The following IFNLR1 variants were observed in gnomAD, a reference collection of about 807,000 sequenced individuals.
IFNLR1 encodes the protein interferon lambda receptor 1.
Under a neutral mutation model 52.5 loss-of-function variants are expected in IFNLR1, and 28 were observed. That is an observed-to-expected ratio of 0.53 (90% CI 0.40 to 0.73). The LOEUF (loss-of-function observed/expected upper bound fraction) is 0.73. Among genes scored for constraint, IFNLR1 ranks in the 30% least tolerant of loss-of-function variants. IFNLR1 has a pLI of 0.00. For missense variants in IFNLR1, 623 were observed against 659.1 expected (o/e 0.95, Z 0.60); for synonymous variants, 276 against 274.9 (o/e 1.00, Z -0.04).
At chr1:24,163,869 A>G (rs1644492565) in intron 3 of IFNLR1, among the ~76,000 whole-genome samples, 1 of 151,996 alleles carries the variant, frequency 6.6e-6, no homozygotes, top group South Asian at 2.1e-4. Flanking sequence ...GTGGGCTGGG[A>G]TTACCCAACC....
intron 2 of IFNLR1, 38 bp from the exon 3 acceptor site, chr1:24,169,639 A>G (rs369155510): frequency 2.5e-6 from 4 of 1,585,930 alleles, no homozygotes; most frequent in Non-Finnish European, 3.4e-6. Context: ...CCATGGACTC[A>G]GCCTCTCCGG....
At chr1:24,162,713 TTCTTTCTTTCTTTTCTTTCTTTCTTTC>T (rs1162663481) in intron 3 of IFNLR1, among the ~76,000 whole-genome samples, 3 of 39,934 alleles carry the variant, frequency 7.5e-5, no homozygotes, top group Admixed American at 2.6e-4. Flanking sequence ...TTTCTTTTCT[TTCTTTCTTTCTTTTCTTTCTTTCTTTC>T]TTTCTTTCTT....
At chr1:24,159,003 T>A in intron 6 of IFNLR1, 49 bp downstream of exon 6, 2 of 1,593,550 alleles carry the variant, frequency 1.3e-6, no homozygotes, top group Non-Finnish European at 1.7e-6. Flanking sequence ...CCCCACTCCC[T>A]TACTCTCAAC....
At chr1:24,172,775 A>G (rs955248841) in intron 2 of IFNLR1, among the ~76,000 whole-genome samples, 1 of 152,184 alleles carries the variant, frequency 6.6e-6, no homozygotes, top group African/African-American at 2.4e-5. Context: ...TGGCTTCAGC[A>G]ACAGAAATCT....
chr1:24,157,409 A>G lies in IFNLR1; in HGVS notation c.1284T>C (p.Pro428=). ...GDGHQESLPP[P]EFSKDSGFLE... ...GGAAACCCGAGTCCTTGGAGAATTC[A>G]GGTGGTGGGAGAGATTCTTGGTGCC... is the stretch of plus-strand genomic sequence containing the variant. The change falls in exon 7 of 7, where the codon CCT becomes CCC. Residue 428 remains proline, a synonymous_variant. Transcript: ENST00000327535. The surrounding 1 kb of genome is among the most constrained non-coding windows in gnomAD (Gnocchi z 5.1). 1 of 1,614,174 alleles carries G rather than the reference A, an allele frequency of 6.2e-7. No homozygotes were observed. The highest frequency in any genetic ancestry group is 8.5e-7 in the Non-Finnish European group (1 of 1,180,020).
intron 3 of IFNLR1, among the ~76,000 whole-genome samples, chr1:24,162,754 TTC>T (rs1557643810): frequency 0.079 from 2,553 of 32,196 alleles, 159 homozygotes; most frequent in Non-Finnish European, 0.097. Flanking sequence ...CTTTCTTTCT[TTC>T]TTTCTTTCTT....
chr1:24,178,744 C>T (rs72650418), intron 2 of IFNLR1, among the ~76,000 whole-genome samples: 14,789 of 152,074 alleles, frequency 0.097, 1,993 homozygotes, highest in African/African-American at 0.3. Flanking sequence ...AATTCATTAT[C>T]TTGAAAATTG....
rs753765346 is a variant in IFNLR1, at chr1:24,157,151, C to T, written c.1542G>A (p.Leu514=). ...TQRTEDRGRT[L]GHYMAR Reference sequence around the variant, plus strand: ...CAGCTCACCTGGCCATGTAATGCCCCAATGTCCGGCCCCTGTCCTCGGTCC... The same window carrying T: ...CAGCTCACCTGGCCATGTAATGCCCTAATGTCCGGCCCCTGTCCTCGGTCC... The change falls in exon 7 of 7, where the codon TTG becomes TTA. Residue 514 remains leucine, a synonymous_variant. Coordinates refer to ENST00000327535, the MANE Select transcript of IFNLR1 (RefSeq NM_170743.4). The surrounding 1 kb of genome is among the most constrained non-coding windows in gnomAD (Gnocchi z 5.1). 1.1e-5 allele frequency: 17 copies of T among 1,612,032 alleles called. No individual in the cohort carries two copies. The highest frequency in any genetic ancestry group is 1.4e-5 in the Non-Finnish European group (16 of 1,179,298).
At chr1:24,160,087 C>T (rs966355746) in intron 4 of IFNLR1, among the ~76,000 whole-genome samples, 14 of 152,200 alleles carry the variant, frequency 9.2e-5, no homozygotes, top group African/African-American at 2.9e-4. Flanking sequence ...TCAGCTGAGT[C>T]TAGAGGTAGG....
At chr1:24,159,727 T>TTTTTTTTTTTTTGTTTG (rs1557641965) in intron 4 of IFNLR1, 94 bp from the exon 5 acceptor site, 6 of 96,638 alleles carry the variant, frequency 6.2e-5, no homozygotes, top group Non-Finnish European at 9.7e-5. Context: ...TGGTAGGGTG[T>TTTTTTTTTTTTTGTTTG]TTTTTTTTTG....
At chr1:24,175,949 A>AG (rs922821763) in intron 2 of IFNLR1, among the ~76,000 whole-genome samples, 2 of 150,856 alleles carry the variant, frequency 1.3e-5, no homozygotes, top group Admixed American at 6.6e-5. Flanking sequence ...AAAAAAAAAA[A>AG]AGAGAGTTTT....
intron 3 of IFNLR1, 43 bp from the exon 4 acceptor site, chr1:24,161,727 G>T (rs531034184): frequency 2.8e-6 from 4 of 1,447,762 alleles, no homozygotes; most frequent in Non-Finnish European, 3.6e-6. Context: ...CCGAGGGGCC[G>T]CACTGCCTCC....
Position 24,161,659 on chromosome 1 carries a change from C to A in IFNLR1, c.393G>T (p.Val131=), listed in dbSNP as rs1184930237. The change falls in exon 4 of 7, where the codon GTG becomes GTT. Residue 131 remains valine, a synonymous_variant. Transcript: ENST00000327535. ...FEVEPAPPVL[V]LTQTEEILSA... ...TCAGGATCTCCTCCGTCTGGGTGAG[C>A]ACCAGGACAGGTGGGGCCGGCTCCA... is the stretch of plus-strand genomic sequence containing the variant. The A allele has an allele frequency of 1.3e-6, 2 of 1,527,262 alleles. No individual in the cohort carries two copies. Among genetic ancestry groups the A allele is most frequent in the Non-Finnish European group, 1.8e-6 (2 of 1,133,164 alleles). The allele number at this position is 1,527,262 out of a possible 1,614,324, so 94.6% of individuals were successfully genotyped here.
chr1:24,169,345 C>CCACTGAG (rs1434885567), intron 3 of IFNLR1, 72 bp downstream of exon 3: 4 of 1,401,780 alleles, frequency 2.9e-6, no homozygotes, highest in East Asian at 4.6e-5. Flanking sequence ...GAGAACAGAA[C>CCACTGAG]CACTGAGCAC....
intron 2 of IFNLR1, 114 bp from the exon 3 acceptor site, chr1:24,169,715 TC>T: frequency 8.9e-7 from 1 of 1,123,788 alleles, no homozygotes; most frequent in South Asian, 1.5e-5. Flanking sequence ...TTTAGGTCCA[TC>T]CGTCCAGACA....
intron 2 of IFNLR1, among the ~76,000 whole-genome samples, chr1:24,173,840 G>A (rs1644605895): frequency 6.6e-6 from 1 of 151,994 alleles, no homozygotes; most frequent in African/African-American, 2.4e-5. Context: ...TGTAAAGATG[G>A]GGTCTCACTA....
At position 24,157,462 on chromosome 1, in the gene IFNLR1, C is replaced by G; in HGVS notation, c.1231G>C (p.Gly411Arg). The G allele has an allele frequency of 6.2e-7, 1 of 1,613,978 alleles. No individual in the cohort carries two copies. Among genetic ancestry groups the G allele is most frequent in the Non-Finnish European group, 8.5e-7 (1 of 1,179,904 alleles). ...TCCCCACCCGGCCCTTGGCCTGGCCCCTTCTCAGCCAAATAGCCAGAGGAC... is the reference window on the plus strand; with the variant it reads ...TCCCCACCCGGCCCTTGGCCTGGCCGCTTCTCAGCCAAATAGCCAGAGGAC... ...AGSSGYLAEK[G>R]PGQGPGGDGH... is the part of the protein sequence containing the mutation. The change falls in exon 7 of 7, where the codon GGG becomes CGG. Residue 411 changes from glycine (G) to arginine (R), a missense_variant. Coordinates refer to ENST00000327535, the MANE Select transcript of IFNLR1 (RefSeq NM_170743.4). This position sits in a 1 kb window ranked among gnomAD's most constrained non-coding sequence, Gnocchi z 5.1.
chr1:24,174,846 A>G (rs1342712182), intron 2 of IFNLR1, among the ~76,000 whole-genome samples: 3 of 151,818 alleles, frequency 2.0e-5, no homozygotes, highest in African/African-American at 7.3e-5. Flanking sequence ...AGCTTTGGAA[A>G]ATTTTCAGCC....
At chr1:24,175,077 G>C (rs1644618626) in intron 2 of IFNLR1, among the ~76,000 whole-genome samples, 1 of 152,230 alleles carries the variant, frequency 6.6e-6, no homozygotes, top group South Asian at 2.1e-4. Flanking sequence ...AAGGCTGTTG[G>C]ACTTCTGGGA....
Sources: gnomAD v4.1 joint callset for allele counts (sites outside exome capture counted in the v4.1 genomes callset) on GRCh38, gnomAD v4.1.1 for gene constraint, Gnocchi (gnomAD v3.1) non-coding constraint, MANE v1.5 for transcripts, NCBI Gene and HGNC (gene_info 2026-07-23, HGNC 2026-07-21) for gene names.